Variants in ARHGAP6 observed in about 807,000 individuals in gnomAD.
The protein encoded by ARHGAP6 is Rho GTPase activating protein 6, also known as rho GTPase-activating protein 6.
In ARHGAP6, 16 loss-of-function variants were observed where a neutral mutation model predicts 55.7. That is an observed-to-expected ratio of 0.29 (90% CI 0.19 to 0.44). The LOEUF (loss-of-function observed/expected upper bound fraction) is 0.44. ARHGAP6 is among the 20% of genes least tolerant of loss of function. The probability of loss-of-function intolerance (pLI) is 1.00; values close to 1 mark genes in which losing one functional copy is unlikely to be tolerated. For missense variants in ARHGAP6, 698 were observed against 808.9 expected, an observed-to-expected ratio of 0.86 and a Z score of 1.66; for synonymous variants, 382 against 360.9, an observed-to-expected ratio of 1.06 and a Z score of -0.66.
chrX:11,153,826 A>C (rs1001200592), intron 10 of ARHGAP6, among the ~76,000 whole-genome samples: 2 of 110,714 alleles, frequency 1.8e-5, no homozygotes, highest in African/African-American at 6.6e-5. Context: ...TTTTATTATT[A>C]TTATACTTTA....
At chrX:11,467,724 A>T (rs1371312540) in intron 1 of ARHGAP6, among the ~76,000 whole-genome samples, 1 of 111,527 alleles carries the variant, frequency 9.0e-6, no homozygotes, top group Non-Finnish European at 1.9e-5. Context: ...TCATGCCTGT[A>T]ATCCAAGCAA....
Position 11,551,566 on chromosome X carries a change from T to C in ARHGAP6, c.588+112675A>G, listed in dbSNP as rs138758265. ...ATGAATTGTGTCTCCAAAAAAAAGA[T>C]ATGTTGGAGTCCTTACCCCCACTAC... On this transcript the variant is annotated intron_variant, in intron 1 of 12. Coordinates refer to ENST00000337414, the MANE Select transcript of ARHGAP6 (RefSeq NM_013427.3). Among the ~76,000 whole-genome samples the C allele has an allele frequency of 2.4e-3, 265 of 111,748 alleles. 2 individuals are homozygous for C. The highest frequency in any genetic ancestry group is 3.7e-3 in the Admixed American group (39 of 10,532).
chrX:11,194,371 A>G (rs1254137755), intron 3 of ARHGAP6, among the ~76,000 whole-genome samples: 1 of 111,677 alleles, frequency 9.0e-6, no homozygotes, highest in Non-Finnish European at 1.9e-5. Flanking sequence ...CAAAATTCTT[A>G]TCTAGAAGTT....
chrX:11,498,833 C>T (rs1368013105), intron 1 of ARHGAP6, among the ~76,000 whole-genome samples: 2 of 112,088 alleles, frequency 1.8e-5, no homozygotes, highest in Admixed American at 9.5e-5. Flanking sequence ...AAGAGGTGAC[C>T]TCAATAATCC....
intron 12 of ARHGAP6, among the ~76,000 whole-genome samples, chrX:11,139,832 C>A (rs760634913): frequency 1.8e-5 from 2 of 112,213 alleles, no homozygotes; most frequent in Non-Finnish European, 3.8e-5. Flanking sequence ...AGGAAAGGGC[C>A]CCTCTACATG....
chrX:11,170,360 C>T (rs2147309125), intron 8 of ARHGAP6, among the ~76,000 whole-genome samples: 1 of 111,904 alleles, frequency 8.9e-6, no homozygotes, highest in South Asian at 3.7e-4. Context: ...AAGCACCACA[C>T]ATGCAAAGAC....
rs778367688 is a variant in ARHGAP6 at position 11,202,651 on chromosome X, T to C, written c.749-5655A>G. 6.5e-5 allele frequency among the ~76,000 whole-genome samples: 7 copies of C among 107,175 alleles called. No homozygotes were observed. The South Asian group carries it at 2.5e-3, about 39-fold the overall frequency. The allele number at this position is 107,175 out of a possible 115,157, so 93.1% of individuals were successfully genotyped here. On this transcript the variant is annotated intron_variant, in intron 2 of 12. Transcript: ENST00000337414. ...GGTGAAATCCCATCTCTATGAAAAATACAAAAATTTGCTGGGTGTGATTGT... is the reference window on the plus strand; with the variant it reads ...GGTGAAATCCCATCTCTATGAAAAACACAAAAATTTGCTGGGTGTGATTGT...
intron 1 of ARHGAP6, among the ~76,000 whole-genome samples, chrX:11,308,279 T>G (rs2048258522): frequency 8.9e-6 from 1 of 112,213 alleles, no homozygotes; most frequent in Non-Finnish European, 1.9e-5. Flanking sequence ...CTGTGAACAC[T>G]TCGGTAACAA....
At chrX:11,140,460 C>T (rs1227937216) in intron 12 of ARHGAP6, among the ~76,000 whole-genome samples, 2 of 108,746 alleles carry the variant, frequency 1.8e-5, no homozygotes, top group Non-Finnish European at 3.8e-5. Flanking sequence ...TAAACGAATG[C>T]CTTCCTACTG....
intron 5 of ARHGAP6, among the ~76,000 whole-genome samples, chrX:11,185,166 G>C (rs781573488): frequency 2.5e-4 from 28 of 110,910 alleles, no homozygotes; most frequent in African/African-American, 7.9e-4. Flanking sequence ...GTGTGTGTGT[G>C]TGTGTGTGTG....
intron 1 of ARHGAP6, among the ~76,000 whole-genome samples, chrX:11,343,506 C>T (rs974987334): frequency 2.7e-5 from 3 of 111,888 alleles, no homozygotes; most frequent in African/African-American, 6.5e-5. Context: ...AACTTGAGGC[C>T]TTAATAGATG....
chrX:11,186,753 GA>G (rs1048643120), intron 4 of ARHGAP6, among the ~76,000 whole-genome samples: 12 of 111,332 alleles, frequency 1.1e-4, no homozygotes, highest in Non-Finnish European at 2.3e-4. Context: ...CTTGAAACAA[GA>G]AAAAAATTAC....
chrX:11,169,616 C>T lies in ARHGAP6; in HGVS notation c.1698G>A (p.Gln566=), dbSNP rs1569239046. 1 of 1,208,749 alleles carries T rather than the reference C, an allele frequency of 8.3e-7. No individual in the cohort carries two copies. Among genetic ancestry groups the T allele is most frequent in the Non-Finnish European group, 1.1e-6 (1 of 894,194 alleles). ...CTGAGAATTCTTTGTCTGATGACTTCTGCTTGTGCAGCAGGTTGGGTCCAA... is the reference window on the plus strand; with the variant it reads ...CTGAGAATTCTTTGTCTGATGACTTTTGCTTGTGCAGCAGGTTGGGTCCAA... ...TIFGPNLLHK[Q]KSSDKEFSVQ... is the part of the protein sequence containing the mutation. Residue 566 remains glutamine (Q), a synonymous_variant, in exon 9 of 13, where the codon CAG becomes CAA. Coordinates refer to ENST00000337414, the MANE Select transcript of ARHGAP6 (RefSeq NM_013427.3).
intron 1 of ARHGAP6, among the ~76,000 whole-genome samples, chrX:11,277,073 T>C (rs1383728312): frequency 9.0e-6 from 1 of 110,888 alleles, no homozygotes; most frequent in Non-Finnish European, 1.9e-5. Flanking sequence ...ACTAATCTAC[T>C]TTCTGTCTCT....
At chrX:11,485,697 C>T (rs1001638959) in intron 1 of ARHGAP6, among the ~76,000 whole-genome samples, 1 of 111,902 alleles carries the variant, frequency 8.9e-6, no homozygotes, top group Non-Finnish European at 1.9e-5. Context: ...GCTCATTTTC[C>T]CTGTGATGAC....
intron 1 of ARHGAP6, among the ~76,000 whole-genome samples, chrX:11,578,208 C>A (rs951603846): frequency 1.6e-4 from 18 of 111,398 alleles, no homozygotes; most frequent in Admixed American, 8.6e-4. Context: ...AATGGGCATC[C>A]CCCACCCTCT....
chrX:11,280,552 A>G (rs747945146), intron 1 of ARHGAP6, among the ~76,000 whole-genome samples: 3 of 110,258 alleles, frequency 2.7e-5, no homozygotes, highest in Non-Finnish European at 5.7e-5. Flanking sequence ...TGTATCCACA[A>G]TAGGTTACTT....
intron 1 of ARHGAP6, among the ~76,000 whole-genome samples, chrX:11,510,847 CA>C (rs1476667819): frequency 2.6e-4 from 29 of 111,908 alleles, no homozygotes; most frequent in Non-Finnish European, 5.4e-4. Flanking sequence ...AAATTCAAAT[CA>C]CAGCATCTAT....
chrX:11,153,524 CAA>C (rs55669123), intron 10 of ARHGAP6, among the ~76,000 whole-genome samples: 6 of 20,116 alleles, frequency 3.0e-4, no homozygotes, highest in Non-Finnish European at 4.3e-4. Flanking sequence ...GACTCGATCT[CAA>C]AAAAAAAAAA....
Sources: gnomAD v4.1 joint callset for allele counts (sites outside exome capture counted in the v4.1 genomes callset) on GRCh38, gnomAD v4.1.1 for gene constraint, MANE v1.5 for transcripts, NCBI Gene and HGNC (gene_info 2026-07-23, HGNC 2026-07-21) for gene names.